Variants in GRIK4 observed in about 807,000 individuals in gnomAD.
GRIK4 encodes glutamate receptor ionotropic, kainate 4.
A neutral mutation model predicts 104.9 loss-of-function variants in GRIK4; 40 were observed. The observed-to-expected ratio is 0.38, with a 90% CI of 0.30 to 0.50. GRIK4 has a LOEUF of 0.50. GRIK4 is among the 20% of genes least tolerant of loss of function. The pLI, the probability that GRIK4 is intolerant of heterozygous loss-of-function variation, is 0.93. For missense variants in GRIK4, 1,047 were observed against 1,308.1 expected (o/e 0.80, Z 3.08); for synonymous variants, 485 against 524.9 (o/e 0.92, Z 1.04).
At chr11:120,983,900 T>C (rs1215631592) in intron 20 of GRIK4, among the ~76,000 whole-genome samples, 2 of 152,214 alleles carry the variant, frequency 1.3e-5, no homozygotes, top group African/African-American at 4.8e-5. Context: ...TTGTCACATG[T>C]AATAGATTAG....
chr11:120,775,600 G>T (rs186499542), intron 3 of GRIK4, among the ~76,000 whole-genome samples: 1 of 152,382 alleles, frequency 6.6e-6, no homozygotes, highest in East Asian at 1.9e-4. Context: ...AGAATTTACA[G>T]TGTACTGATT....
chr11:120,688,794 G>C (rs1043393005), intron 3 of GRIK4, among the ~76,000 whole-genome samples: 4 of 152,202 alleles, frequency 2.6e-5, no homozygotes, highest in Non-Finnish European at 4.4e-5. Context: ...AAGGGCGTGA[G>C]ATGTAAGAGA....
At chr11:120,934,204 C>CAAAA (rs35705174) in intron 13 of GRIK4, among the ~76,000 whole-genome samples, 4 of 54,242 alleles carry the variant, frequency 7.4e-5, no homozygotes, top group African/African-American at 1.7e-4. Flanking sequence ...GACTCCGTCT[C>CAAAA]AAAAAAAAAA....
rs1950586540 is a variant in GRIK4 at position 120,703,682 on chromosome 11, C to T, written c.82+43282C>T. Among the ~76,000 whole-genome samples the T allele has an allele frequency of 1.3e-5, 2 of 152,116 alleles. 1 individual carries two copies. The highest frequency in any genetic ancestry group is 1.3e-4 in the Admixed American group (2 of 15,266). On this transcript the variant is annotated intron_variant, in intron 3 of 20. Coordinates refer to ENST00000527524, the MANE Select transcript of GRIK4 (RefSeq NM_014619.5). ...CCACTCAGCCGTATCTCCTGAGCAG[C>T]AAATCATTTAAATTCCTTTGAAATA...
At chr11:120,592,953 C>A (rs535062222) in intron 1 of GRIK4, among the ~76,000 whole-genome samples, 1 of 152,086 alleles carries the variant, frequency 6.6e-6, no homozygotes, top group African/African-American at 2.4e-5. Flanking sequence ...GAGGCCCAGG[C>A]GGGCAGATCA....
At chr11:120,668,101 G>GGAGA (rs1949947959) in intron 3 of GRIK4, among the ~76,000 whole-genome samples, 1 of 144,092 alleles carries the variant, frequency 6.9e-6, no homozygotes, top group African/African-American at 2.6e-5. Context: ...ATAGATAGAT[G>GGAGA]GATAGATAGA....
chr11:120,838,450 T>C (rs1041875911), intron 8 of GRIK4, among the ~76,000 whole-genome samples: 1 of 152,236 alleles, frequency 6.6e-6, no homozygotes, highest in African/African-American at 2.4e-5. Flanking sequence ...AGAGCTTTTC[T>C]CCTTTTTGGG....
chr11:120,824,854 T>TTTA (rs902495232), intron 6 of GRIK4, among the ~76,000 whole-genome samples: 1 of 151,892 alleles, frequency 6.6e-6, no homozygotes, highest in Non-Finnish European at 1.5e-5. Context: ...CTGGCCTTAT[T>TTTA]TTATTATTAT....
At chr11:120,957,282 G>A (rs1344060490) in intron 16 of GRIK4, among the ~76,000 whole-genome samples, 3 of 152,244 alleles carry the variant, frequency 2.0e-5, no homozygotes, top group Non-Finnish European at 4.4e-5. Context: ...TGAGGTTTGA[G>A]AAGGCATATG....
chr11:120,871,401 A>G, intron 9 of GRIK4: 1 of 351,506 alleles, frequency 2.8e-6, no homozygotes, highest in South Asian at 2.2e-5. Context: ...GAATCAAATG[A>G]AGAAGGAGCT....
chr11:120,680,294 T>A (rs574607509), intron 3 of GRIK4, among the ~76,000 whole-genome samples: 12 of 152,344 alleles, frequency 7.9e-5, no homozygotes, highest in African/African-American at 2.9e-4. Context: ...GCCAGGCTGG[T>A]CTCAAGCTCC....
rs1948566412 is a variant in GRIK4 at position 120,580,530 on chromosome 11, GT to G, written c.-159+68644del. 2.7e-5 allele frequency among the ~76,000 whole-genome samples: 4 copies of G among 150,310 alleles called. No individual in the cohort carries two copies. The South Asian group carries it at 6.3e-4, about 24-fold the overall frequency. Reference sequence around the variant, plus strand: ...ACCTCAGTGATCTGTTCTTACCAAAGTGCTGGGATTACAGGTGTGAGCCACC... The same window carrying G: ...ACCTCAGTGATCTGTTCTTACCAAAGGCTGGGATTACAGGTGTGAGCCACC... On this transcript the variant is annotated intron_variant, in intron 1 of 20. Transcript: ENST00000527524.
chr11:120,960,130 A>C (rs938470050), intron 16 of GRIK4, among the ~76,000 whole-genome samples: 2 of 152,178 alleles, frequency 1.3e-5, no homozygotes, highest in Non-Finnish European at 2.9e-5. Flanking sequence ...AGAGATAGAG[A>C]CCATCCTGGC....
chr11:120,636,028 G>A (rs1017855683), intron 1 of GRIK4, among the ~76,000 whole-genome samples: 1 of 152,190 alleles, frequency 6.6e-6, no homozygotes, highest in African/African-American at 2.4e-5. Context: ...TCTTCAATGC[G>A]TCTACCCTTT....
chr11:120,877,914 A>C (rs753157986), intron 11 of GRIK4, among the ~76,000 whole-genome samples: 69 of 152,166 alleles, frequency 4.5e-4, no homozygotes, highest in Non-Finnish European at 9.4e-4. Context: ...AGACACCTGC[A>C]GTGGCAGAGC....
chr11:120,790,638 A>G (rs1286183939), intron 3 of GRIK4, among the ~76,000 whole-genome samples: 1 of 152,186 alleles, frequency 6.6e-6, no homozygotes, highest in East Asian at 1.9e-4. Context: ...TTGGGGCCAG[A>G]CTGTGGAGGG....
intron 1 of GRIK4, among the ~76,000 whole-genome samples, chr11:120,576,802 G>A (rs1948491094): frequency 6.6e-6 from 1 of 152,168 alleles, no homozygotes; most frequent in African/African-American, 2.4e-5. Flanking sequence ...TGTTCCCAAG[G>A]CCCCTCTATG....
intron 20 of GRIK4, among the ~76,000 whole-genome samples, chr11:120,982,917 C>G (rs1227639234): frequency 6.6e-6 from 1 of 152,168 alleles, no homozygotes; most frequent in African/African-American, 2.4e-5. Flanking sequence ...GCCTGCCAGT[C>G]CTGGTCCACT....
intron 3 of GRIK4, among the ~76,000 whole-genome samples, chr11:120,714,002 C>A (rs986904724): frequency 1.3e-5 from 2 of 152,194 alleles, no homozygotes; most frequent in Admixed American, 1.3e-4. Context: ...CAGCATTATT[C>A]ACAGGATTTC....
Sources: allele counts gnomAD v4.1 joint callset (sites outside exome capture counted in the v4.1 genomes callset), GRCh38; gene constraint gnomAD v4.1.1; transcripts MANE v1.5; gene names NCBI Gene and HGNC (gene_info 2026-07-23, HGNC 2026-07-21).